The following TNR variants were observed in gnomAD, a reference collection of about 807,000 sequenced individuals.
TNR encodes tenascin-R.
Under a neutral mutation model 150.4 loss-of-function variants are expected in TNR, and 45 were observed. That is an observed-to-expected ratio of 0.30 (90% CI 0.24 to 0.38). The LOEUF (loss-of-function observed/expected upper bound fraction) is 0.38, where lower values mean the gene tolerates loss of function less well. TNR is among the 10% of genes least tolerant of loss of function. The pLI, the probability that TNR is intolerant of heterozygous loss-of-function variation, is 1.00. For missense variants in TNR, 1,544 were observed against 1,759.1 expected (o/e 0.88, Z 2.19); for synonymous variants, 687 against 678.4 (o/e 1.01, Z -0.20).
chr1:175,527,123 G>A (rs1225591380), intron 2 of TNR, among the ~76,000 whole-genome samples: 4 of 152,198 alleles, frequency 2.6e-5, no homozygotes, highest in East Asian at 1.9e-4. Context: ...AACCTTAGCC[G>A]TTGGTACACC....
intron 1 of TNR, among the ~76,000 whole-genome samples, chr1:175,640,290 C>A (rs1047640514): frequency 2.0e-5 from 3 of 152,134 alleles, no homozygotes; most frequent in African/African-American, 7.2e-5. Context: ...GGCCTGTGTG[C>A]CAGGCAAACA....
At chr1:175,566,117 A>G (rs1405877689) in intron 1 of TNR, among the ~76,000 whole-genome samples, 2 of 152,250 alleles carry the variant, frequency 1.3e-5, no homozygotes, top group Admixed American at 1.3e-4. Flanking sequence ...AAGAAAATAA[A>G]GAAGACCACA....
chr1:175,503,835 T>C (rs967618834), intron 2 of TNR, among the ~76,000 whole-genome samples: 2 of 151,966 alleles, frequency 1.3e-5, no homozygotes, highest in African/African-American at 2.4e-5. Flanking sequence ...AGGCAGAAAT[T>C]TTTCAGCAAT....
chr1:175,385,974 C>T, intron 8 of TNR, 58 bp downstream of exon 8: 1 of 1,511,804 alleles, frequency 6.6e-7, no homozygotes. Context: ...GATGACACCA[C>T]CGGTTGGCTC....
intron 20 of TNR, chr1:175,330,437 C>A: frequency 2.1e-6 from 1 of 472,770 alleles, no homozygotes; most frequent in Non-Finnish European, 3.6e-6. Context: ...CAGTCCAGGT[C>A]TGCTGATGGG....
intron 2 of TNR, among the ~76,000 whole-genome samples, chr1:175,526,008 CTGGT>C (rs1659834576): frequency 7.0e-6 from 1 of 141,960 alleles, no homozygotes; most frequent in Non-Finnish European, 1.5e-5. Flanking sequence ...TCCACTTTTG[CTGGT>C]TTTTTTTTTT....
chr1:175,504,137 A>C (rs1658855024), intron 2 of TNR, among the ~76,000 whole-genome samples: 1 of 152,118 alleles, frequency 6.6e-6, no homozygotes, highest in South Asian at 2.1e-4. Flanking sequence ...GGGAGTTTCT[A>C]GAGTGAAAAA....
chr1:175,573,285 C>G (rs1172544074), intron 1 of TNR, among the ~76,000 whole-genome samples: 1 of 152,168 alleles, frequency 6.6e-6, no homozygotes, highest in African/African-American at 2.4e-5. Flanking sequence ...AAGATTCTGC[C>G]CTTGCTAGGG....
At chr1:175,739,801 CTCTT>C (rs925501669) in intron 1 of TNR, among the ~76,000 whole-genome samples, 2 of 152,198 alleles carry the variant, frequency 1.3e-5, no homozygotes, top group Admixed American at 1.3e-4. Context: ...ATGAACTCTC[CTCTT>C]TCTTTCTTTA....
rs1360332998 is a variant in TNR, at chr1:175,572,827, A to AAAATC, written c.-164-44459_-164-44458insGATTT. Among the ~76,000 whole-genome samples, 13 of 152,026 alleles carry AAAATC rather than the reference A, an allele frequency of 8.6e-5. No individual in the cohort carries two copies. In the East Asian group the frequency reaches 1.9e-3, roughly 23 times the overall value. ...ATCTTTCTCTAAAATAAAATAAAAT[A>AAAATC]AAATAAATTCATCCATATGCATTCT... On this transcript the variant is annotated intron_variant, in intron 1 of 22. Transcript: ENST00000367674.
chr1:175,513,999 A>T (rs1659303226), intron 2 of TNR, among the ~76,000 whole-genome samples: 1 of 152,216 alleles, frequency 6.6e-6, no homozygotes, highest in Admixed American at 6.5e-5. Flanking sequence ...TATGTAAAGG[A>T]TCACTTCCAG....
chr1:175,607,362 G>A (rs961779770), intron 1 of TNR, among the ~76,000 whole-genome samples: 1 of 152,312 alleles, frequency 6.6e-6, no homozygotes, highest in Admixed American at 6.5e-5. Context: ...AAGCATTTGT[G>A]CAACCCAAGA....
chr1:175,461,495 G>A (rs896138879), intron 2 of TNR, among the ~76,000 whole-genome samples: 1 of 152,036 alleles, frequency 6.6e-6, no homozygotes, highest in Non-Finnish European at 1.5e-5. Context: ...TGGTTTTATC[G>A]GGGCCCTTTC....
At chr1:175,596,852 C>T (rs1330771421) in intron 1 of TNR, among the ~76,000 whole-genome samples, 4 of 152,104 alleles carry the variant, frequency 2.6e-5, no homozygotes, top group Non-Finnish European at 5.9e-5. Flanking sequence ...ACAAAGTGTG[C>T]TTATTTAATG....
chr1:175,434,661 C>G (rs1173524398), intron 2 of TNR, among the ~76,000 whole-genome samples: 1 of 152,184 alleles, frequency 6.6e-6, no homozygotes, highest in African/African-American at 2.4e-5. Flanking sequence ...GGCCCCCAAC[C>G]TTACCTCTTA....
intron 22 of TNR, among the ~76,000 whole-genome samples, chr1:175,323,998 T>A (rs1649215650): frequency 6.6e-6 from 1 of 152,200 alleles, no homozygotes; most frequent in Non-Finnish European, 1.5e-5. Flanking sequence ...TGGTCTCTGA[T>A]AGGGAAAGAT....
intron 1 of TNR, among the ~76,000 whole-genome samples, chr1:175,682,395 C>T (rs940340241): frequency 9.9e-5 from 15 of 152,002 alleles, no homozygotes; most frequent in South Asian, 6.2e-4. Flanking sequence ...GAGGCGAGTA[C>T]CTTTTACAGT....
intron 1 of TNR, among the ~76,000 whole-genome samples, chr1:175,646,209 G>C (rs577508893): frequency 4.4e-4 from 67 of 152,272 alleles, no homozygotes; most frequent in African/African-American, 1.5e-3. Flanking sequence ...GCCACTAAAA[G>C]GGCTCCCATC....
intron 4 of TNR, among the ~76,000 whole-genome samples, chr1:175,402,309 G>A (rs1311659444): frequency 1.6e-5 from 1 of 62,668 alleles, no homozygotes; most frequent in East Asian, 6.6e-4. Flanking sequence ...GCGAGACTCC[G>A]TCTCAAAAAA....
Sources: allele counts gnomAD v4.1 joint callset (sites outside exome capture counted in the v4.1 genomes callset), GRCh38; gene constraint gnomAD v4.1.1; transcripts MANE v1.5; gene names NCBI Gene and HGNC (gene_info 2026-07-23, HGNC 2026-07-21).